Variants in IL1RAPL1 observed in about 807,000 individuals in gnomAD.
IL1RAPL1 encodes interleukin 1 receptor accessory protein like 1.
In IL1RAPL1, 3 loss-of-function variants were observed where a neutral mutation model predicts 48.4. The observed-to-expected ratio is 0.06, with a 90% CI of 0.03 to 0.16. The LOEUF is 0.16. Among genes scored for constraint, IL1RAPL1 ranks in the 10% least tolerant of loss-of-function variants. IL1RAPL1 has a pLI of 1.00. For missense variants in IL1RAPL1, 349 were observed against 530.6 expected (o/e 0.66, Z 3.36); for synonymous variants, 185 against 187.7 (o/e 0.99, Z 0.12).
chrX:29,087,925 A>T (rs962027790), intron 2 of IL1RAPL1, among the ~76,000 whole-genome samples: 15 of 111,840 alleles, frequency 1.3e-4, no homozygotes, highest in African/African-American at 4.9e-4. Flanking sequence ...CCAGCTATTC[A>T]GGAGGCTGAA....
chrX:29,830,970 T>G (rs1930862103), intron 6 of IL1RAPL1, among the ~76,000 whole-genome samples: 1 of 111,535 alleles, frequency 9.0e-6, no homozygotes, highest in Non-Finnish European at 1.9e-5. Context: ...GGAGATGCGT[T>G]TTGGAAATGG....
intron 2 of IL1RAPL1, among the ~76,000 whole-genome samples, chrX:29,208,736 A>AAT (rs199568044): frequency 0.047 from 3,851 of 81,540 alleles, 226 homozygotes; most frequent in African/African-American, 0.18. Context: ...TAATAATAAT[A>AAT]AATAAATAAA....
At chrX:29,434,244 TA>T (rs1475970564) in intron 5 of IL1RAPL1, among the ~76,000 whole-genome samples, 1 of 110,636 alleles carries the variant, frequency 9.0e-6, no homozygotes. Flanking sequence ...ACTTCTGCTC[TA>T]TAGACTTTGA....
intron 2 of IL1RAPL1, among the ~76,000 whole-genome samples, chrX:29,193,613 T>C (rs954263296): frequency 1.8e-4 from 20 of 109,947 alleles, no homozygotes; most frequent in Non-Finnish European, 2.1e-4. Context: ...AGTAAAAGAT[T>C]AGGGCAGGTT....
intron 2 of IL1RAPL1, among the ~76,000 whole-genome samples, chrX:29,142,698 A>T (rs1602077911): frequency 9.6e-6 from 1 of 104,250 alleles, no homozygotes; most frequent in South Asian, 4.1e-4. Flanking sequence ...ATGTTAGAGA[A>T]TTTTTTTTTT....
At chrX:29,749,554 A>G (rs975944018) in intron 6 of IL1RAPL1, among the ~76,000 whole-genome samples, 2 of 111,850 alleles carry the variant, frequency 1.8e-5, no homozygotes, top group South Asian at 3.7e-4. Flanking sequence ...CATGCATACT[A>G]TATACAATCT....
At chrX:29,630,193 ACT>A (rs1924728144) in intron 5 of IL1RAPL1, among the ~76,000 whole-genome samples, 1 of 109,956 alleles carries the variant, frequency 9.1e-6, no homozygotes, top group Non-Finnish European at 1.9e-5. Context: ...CTCTCTCAAG[ACT>A]CTTTTGTAAG....
At chrX:29,039,874 C>T (rs1488324011) in intron 2 of IL1RAPL1, among the ~76,000 whole-genome samples, 1 of 108,942 alleles carries the variant, frequency 9.2e-6, no homozygotes, top group Non-Finnish European at 1.9e-5. Flanking sequence ...CCTGATTTAG[C>T]ATCCCTCAGG....
At chrX:28,839,107 G>A (rs766897048) in intron 2 of IL1RAPL1, among the ~76,000 whole-genome samples, 1 of 111,873 alleles carries the variant, frequency 8.9e-6, no homozygotes, top group Non-Finnish European at 1.9e-5. Context: ...TCGTTCTATT[G>A]TGTTATTCTG....
chrX:29,907,277 CTGT>C (rs1265850871), intron 6 of IL1RAPL1, among the ~76,000 whole-genome samples: 1 of 111,303 alleles, frequency 9.0e-6, no homozygotes, highest in Non-Finnish European at 1.9e-5. Context: ...CATAATCATT[CTGT>C]TTTTTCTTTG....
At chrX:29,458,998 A>G (rs1934772773) in intron 5 of IL1RAPL1, among the ~76,000 whole-genome samples, 2 of 112,435 alleles carry the variant, frequency 1.8e-5, no homozygotes, top group Admixed American at 1.9e-4. Flanking sequence ...AATACTAAGT[A>G]AATAAATGCA....
chrX:29,708,597 A>G (rs1413784494), intron 6 of IL1RAPL1, among the ~76,000 whole-genome samples: 1 of 111,832 alleles, frequency 8.9e-6, no homozygotes, highest in Non-Finnish European at 1.9e-5. Context: ...TATATACCAC[A>G]TTATCTTTAT....
intron 3 of IL1RAPL1, among the ~76,000 whole-genome samples, chrX:29,339,012 C>T (rs1159022923): frequency 2.8e-5 from 3 of 107,785 alleles, no homozygotes; most frequent in Non-Finnish European, 3.8e-5. Flanking sequence ...ATAATATGTT[C>T]GGCCCACCCG....
intron 6 of IL1RAPL1, among the ~76,000 whole-genome samples, chrX:29,847,505 A>C (rs1289336854): frequency 8.9e-6 from 1 of 112,390 alleles, no homozygotes; most frequent in Non-Finnish European, 1.9e-5. Context: ...TTTAAGCTGC[A>C]TAAAAGGTAG....
chrX:29,874,226 C>T (rs1242638437), intron 6 of IL1RAPL1, among the ~76,000 whole-genome samples: 1 of 111,516 alleles, frequency 9.0e-6, no homozygotes, highest in African/African-American at 3.3e-5. Flanking sequence ...TGTGGAACCC[C>T]ACCCCCACAC....
At chrX:28,849,712 G>A (rs1351776594) in intron 2 of IL1RAPL1, among the ~76,000 whole-genome samples, 3 of 111,499 alleles carry the variant, frequency 2.7e-5, no homozygotes, top group African/African-American at 9.8e-5. Context: ...TGGAACTCTC[G>A]TCTTATACTT....
intron 6 of IL1RAPL1, among the ~76,000 whole-genome samples, chrX:29,753,381 G>T (rs1928537812): frequency 9.0e-6 from 1 of 111,436 alleles, no homozygotes; most frequent in Non-Finnish European, 1.9e-5. Flanking sequence ...AACATTTAAT[G>T]ACCTGAATCC....
intron 6 of IL1RAPL1, among the ~76,000 whole-genome samples, chrX:29,677,405 T>G (rs896552152): frequency 8.9e-6 from 1 of 111,921 alleles, no homozygotes; most frequent in East Asian, 2.8e-4. Flanking sequence ...TGGCTTAACA[T>G]GTCAGGTTTA....
At chrX:28,867,336 T>G (rs1164301416) in intron 2 of IL1RAPL1, among the ~76,000 whole-genome samples, 1 of 111,465 alleles carries the variant, frequency 9.0e-6, no homozygotes, top group Non-Finnish European at 1.9e-5. Flanking sequence ...TGGCTAGAAC[T>G]TTGCTAGTCA....
Sources: allele counts gnomAD v4.1 joint callset (sites outside exome capture counted in the v4.1 genomes callset), GRCh38; gene constraint gnomAD v4.1.1; transcripts MANE v1.5; gene names NCBI Gene and HGNC (gene_info 2026-07-23, HGNC 2026-07-21).